Variants in KLHL29 observed in about 807,000 individuals in gnomAD.
The protein encoded by KLHL29 is kelch like family member 29.
KLHL29 carries 21 observed loss-of-function variants against 80.4 expected under a neutral mutation model. That is an observed-to-expected ratio of 0.26 (90% CI 0.19 to 0.38). The LOEUF (loss-of-function observed/expected upper bound fraction) is 0.38. Among genes scored for constraint, KLHL29 ranks in the 10% least tolerant of loss-of-function variants. The pLI is 1.00. For synonymous variants in KLHL29, 511 were observed against 526.8 expected (o/e 0.97, Z 0.41); for missense variants, 867 against 1,223.9 (o/e 0.71, Z 4.35).
intron 3 of KLHL29, among the ~76,000 whole-genome samples, chr2:23,594,309 G>A (rs781302003): frequency 5.9e-5 from 9 of 152,002 alleles, no homozygotes; most frequent in Non-Finnish European, 1.3e-4. Context: ...GAACCAATTC[G>A]CGTTTTCCTG....
intron 2 of KLHL29, among the ~76,000 whole-genome samples, chr2:23,523,784 A>G (rs764974448): frequency 2.0e-5 from 3 of 152,236 alleles, no homozygotes; most frequent in Non-Finnish European, 4.4e-5. Flanking sequence ...ACGAGGGAGC[A>G]ATGATTTATA....
chr2:23,463,021 TATTTCATGAGTAATTATTC>T (rs1375213170), intron 1 of KLHL29, among the ~76,000 whole-genome samples: 1 of 151,174 alleles, frequency 6.6e-6, no homozygotes, highest in Non-Finnish European at 1.5e-5. Flanking sequence ...TTTCCACTTA[TATTTCATGAGTAATTATTC>T]AAACTTGTTC....
Position 23,707,083 on chromosome 2 carries a change from T to G in KLHL29, c.*419T>G. 1 of 154,650 alleles carries G rather than the reference T, an allele frequency of 6.5e-6. No homozygotes were observed. The allele number at this position is 154,650 out of a possible 1,614,324, so 9.6% of individuals were successfully genotyped here. ...TCTTGGAATAAGATCAAAGTGTCCT[T>G]ATCACTTTGATTCCTACTTTTGTTT... On this transcript the variant is annotated 3_prime_UTR_variant, in exon 14 of 14. Transcript: ENST00000486442.
Position 23,696,626 on chromosome 2 carries a change from A to G in KLHL29, c.2105+113A>G. ...TCAGTGGCGATGGAGCAGAGCCTGG[A>G]CCATTCATATGGGCAGTCATCCCAG... On this transcript the variant is annotated intron_variant, in intron 11 of 13. Coordinates refer to ENST00000486442, the MANE Select transcript of KLHL29 (RefSeq NM_052920.2). This position sits in a 1 kb window ranked among gnomAD's most constrained non-coding sequence, Gnocchi z 5.5. 1.2e-6 allele frequency: 1 copy of G among 840,378 alleles called. No homozygotes were observed. The highest frequency in any genetic ancestry group is 1.8e-6 in the Non-Finnish European group (1 of 548,922). 52.1% of individuals were successfully genotyped at this position (840,378 alleles called of 1,614,324 possible). A position where few individuals can be genotyped will look rare whatever the true frequency, so the allele number is the denominator to read the frequency against.
chr2:23,563,371 C>G (rs545695079), intron 3 of KLHL29, among the ~76,000 whole-genome samples: 1 of 152,350 alleles, frequency 6.6e-6, no homozygotes, highest in African/African-American at 2.4e-5. Flanking sequence ...CCCCATCCTG[C>G]TTCCTCACCG....
intron 1 of KLHL29, among the ~76,000 whole-genome samples, chr2:23,439,124 G>A (rs564702795): frequency 6.7e-6 from 1 of 150,214 alleles, no homozygotes; most frequent in South Asian, 2.1e-4. Flanking sequence ...TTCTCTGATG[G>A]TAGTTTGTAT....
intron 1 of KLHL29, among the ~76,000 whole-genome samples, chr2:23,428,892 C>T (rs1663080585): frequency 6.6e-6 from 1 of 152,086 alleles, no homozygotes; most frequent in Admixed American, 6.6e-5. Context: ...TTTAAGTCTC[C>T]TTTTCGGACA....
intron 1 of KLHL29, among the ~76,000 whole-genome samples, chr2:23,394,303 A>G (rs1010724167): frequency 6.6e-6 from 1 of 152,200 alleles, no homozygotes; most frequent in African/African-American, 2.4e-5. Flanking sequence ...CTTTAAGGAT[A>G]TATATTCAGC....
intron 3 of KLHL29, among the ~76,000 whole-genome samples, chr2:23,582,675 C>T (rs1047753030): frequency 6.6e-6 from 1 of 152,194 alleles, no homozygotes; most frequent in Non-Finnish European, 1.5e-5. Flanking sequence ...GTTCCACTCC[C>T]CATCCCATCC....
chr2:23,422,711 C>T (rs1376034309), intron 1 of KLHL29, among the ~76,000 whole-genome samples: 3 of 145,960 alleles, frequency 2.1e-5, no homozygotes, highest in Admixed American at 6.9e-5. Context: ...ATGCGGTCCG[C>T]CTGTGCAGGT....
At chr2:23,492,915 C>G (rs548337910) in intron 2 of KLHL29, among the ~76,000 whole-genome samples, 3 of 152,158 alleles carry the variant, frequency 2.0e-5, no homozygotes, top group Non-Finnish European at 4.4e-5. Context: ...GCACGGGTGT[C>G]TGAGCCCAAA....
intron 2 of KLHL29, among the ~76,000 whole-genome samples, chr2:23,491,213 C>T (rs13408828): frequency 0.43 from 65,032 of 151,858 alleles, 14,519 homozygotes; most frequent in East Asian, 0.58. Flanking sequence ...TGGAAGCTCA[C>T]TGCCCCTCAT....
intron 2 of KLHL29, among the ~76,000 whole-genome samples, chr2:23,542,168 C>T (rs1012197892): frequency 6.6e-6 from 1 of 152,206 alleles, no homozygotes; most frequent in Admixed American, 6.5e-5. Context: ...AAAATAGCCT[C>T]TCAGAATTTA....
rs868522085 is a variant in KLHL29, at chr2:23,528,266, G to T, written c.-45-33886G>T. ...AAAAAAATTCCATCGCACAGATGGG[G>T]CTCTGCTGACGGAGGGTGTTTAACA... On this transcript the variant is annotated intron_variant, in intron 2 of 13. Transcript: ENST00000486442. Among the ~76,000 whole-genome samples the T allele has an allele frequency of 2.7e-4, 41 of 152,314 alleles. No homozygotes were observed. The Middle Eastern group carries it at 0.01, about 38-fold the overall frequency.
chr2:23,656,804 C>T (rs1404772359), intron 5 of KLHL29, among the ~76,000 whole-genome samples: 1 of 152,132 alleles, frequency 6.6e-6, no homozygotes, highest in East Asian at 1.9e-4. Flanking sequence ...GCTTCCTGGC[C>T]GGCATCTCCC....
intron 11 of KLHL29, chr2:23,697,774 G>A (rs1042545227): frequency 1.3e-5 from 2 of 152,190 alleles, no homozygotes; most frequent in Non-Finnish European, 2.9e-5. Context: ...GCAGTTGCTG[G>A]AGCTGGGTTG....
chr2:23,441,356 C>T (rs1655811395), intron 1 of KLHL29, among the ~76,000 whole-genome samples: 1 of 150,534 alleles, frequency 6.6e-6, no homozygotes, highest in South Asian at 2.1e-4. Flanking sequence ...GGAGGGATAG[C>T]ATTAGGAGAT....
chr2:23,693,653 G>T, intron 8 of KLHL29, 125 bp downstream of exon 8: 1 of 1,022,142 alleles, frequency 9.8e-7, no homozygotes, highest in Admixed American at 2.4e-5. Flanking sequence ...TGGCAGAGAG[G>T]TGAAGGGCGG....
intron 5 of KLHL29, among the ~76,000 whole-genome samples, chr2:23,673,195 G>A (rs1670817122): frequency 7.0e-6 from 1 of 143,580 alleles, no homozygotes; most frequent in South Asian, 2.2e-4. Flanking sequence ...GCCACATGCT[G>A]TCTCACACAC....
Sources: allele counts gnomAD v4.1 joint callset (sites outside exome capture counted in the v4.1 genomes callset), GRCh38; gene constraint gnomAD v4.1.1; non-coding constraint Gnocchi (gnomAD v3.1); transcripts MANE v1.5; gene names NCBI Gene and HGNC (gene_info 2026-07-23, HGNC 2026-07-21).